Variants in STAU1 observed in about 807,000 individuals in gnomAD.
STAU1 encodes staufen double-stranded RNA binding protein 1.
A neutral mutation model predicts 62.9 loss-of-function variants in STAU1; 13 were observed. That is an observed-to-expected ratio of 0.21 (90% CI 0.13 to 0.33). STAU1 has a LOEUF of 0.33. Ranked by LOEUF, STAU1 falls within the 10% of genes least tolerant of loss-of-function variation. The pLI is 1.00. For synonymous variants in STAU1, 269 were observed against 265.1 expected, an observed-to-expected ratio of 1.01 and a Z score of -0.14; for missense variants, 571 against 712.1, an observed-to-expected ratio of 0.80 and a Z score of 2.25.
intron 3 of STAU1, 74 bp downstream of exon 3, chr20:49,165,923 T>C: frequency 6.6e-7 from 1 of 1,508,388 alleles, no homozygotes. Flanking sequence ...GCTCCCTAAA[T>C]CTGCAACCTA....
chr20:49,213,622 T>C, the STAU1 span, among the ~76,000 whole-genome samples: 3 of 152,188 alleles, frequency 2.0e-5, no homozygotes, highest in African/African-American at 7.2e-5. Context: ...TTAATTCCCA[T>C]TGGAAAATCT....
the STAU1 span, among the ~76,000 whole-genome samples, chr20:49,205,985 C>CTT: frequency 1.4e-3 from 165 of 122,044 alleles, no homozygotes; most frequent in Non-Finnish European, 1.8e-3. Flanking sequence ...ATTTTCTTTT[C>CTT]TTTTTTTTTT....
At chr20:49,182,801 T>G (rs1009110768) in intron 1 of STAU1, among the ~76,000 whole-genome samples, 1 of 142,914 alleles carries the variant, frequency 7.0e-6, no homozygotes, top group African/African-American at 2.7e-5. Context: ...ATCACACCAC[T>G]GCACTCCAGC....
At chr20:49,215,609 T>A in the STAU1 span, among the ~76,000 whole-genome samples, 2 of 152,192 alleles carry the variant, frequency 1.3e-5, no homozygotes, top group African/African-American at 4.8e-5. Context: ...ATTATGTTAA[T>A]AAACTCATCT....
At chr20:49,143,963 A>G (rs1281041358) in intron 5 of STAU1, among the ~76,000 whole-genome samples, 1 of 152,222 alleles carries the variant, frequency 6.6e-6, no homozygotes, top group African/African-American at 2.4e-5. Context: ...TCCATCTCCA[A>G]CAGGTTCTAA....
At chr20:49,140,067 T>C (rs1338526614) in intron 5 of STAU1, among the ~76,000 whole-genome samples, 2 of 151,366 alleles carry the variant, frequency 1.3e-5, no homozygotes, top group Non-Finnish European at 2.9e-5. Flanking sequence ...GCACCTGTAG[T>C]CCCAGCTACT....
chr20:49,191,073 G>A (rs930153437), upstream of STAU1, among the ~76,000 whole-genome samples: 2 of 151,308 alleles, frequency 1.3e-5, no homozygotes, highest in Non-Finnish European at 2.9e-5. Flanking sequence ...AGTCACCCAG[G>A]CTAAAGTGCA....
At chr20:49,115,702 T>G in intron 13 of STAU1, 80 bp downstream of exon 13, 1 of 1,227,078 alleles carries the variant, frequency 8.1e-7, no homozygotes, top group East Asian at 2.4e-5. Flanking sequence ...CCCCGCTGAG[T>G]CAGCAGATAG....
the STAU1 span, among the ~76,000 whole-genome samples, chr20:49,197,101 G>C: frequency 2.0e-5 from 3 of 150,922 alleles, no homozygotes; most frequent in Non-Finnish European, 4.4e-5. Flanking sequence ...GTTGCAGTGA[G>C]CCGAGATCGC....
the STAU1 span, among the ~76,000 whole-genome samples, chr20:49,209,155 G>A: frequency 6.8e-6 from 1 of 148,112 alleles, no homozygotes; most frequent in African/African-American, 2.5e-5. Context: ...GAGTGGTGTC[G>A]AACTCCTTGG....
chr20:49,166,410 T>G (rs762438025), intron 2 of STAU1, 125 bp from the exon 3 acceptor site: 2 of 563,676 alleles, frequency 3.5e-6, no homozygotes, highest in Non-Finnish European at 3.2e-6. Context: ...CATGTAGCTA[T>G]GTTGATTTAT....
At chr20:49,125,509 G>A (rs1458215219) in intron 6 of STAU1, among the ~76,000 whole-genome samples, 5 of 127,850 alleles carry the variant, frequency 3.9e-5, no homozygotes, top group African/African-American at 6.0e-5. Flanking sequence ...CAGCCTAAGC[G>A]ATAGAGTAAG....
intron 3 of STAU1, among the ~76,000 whole-genome samples, chr20:49,164,760 G>C (rs559641576): frequency 6.6e-6 from 1 of 151,894 alleles, no homozygotes; most frequent in African/African-American, 2.4e-5. Context: ...TAGAGACCCC[G>C]TGAAACAAAC....
chr20:49,141,032 T>C (rs2092995178), intron 5 of STAU1, among the ~76,000 whole-genome samples: 1 of 150,464 alleles, frequency 6.6e-6, no homozygotes, highest in African/African-American at 2.4e-5. Context: ...CCAATGAGAA[T>C]GCTCTTTATG....
rs915903174 is a variant in STAU1, at chr20:49,127,643, T to C, written c.610-3056A>G. On this transcript the variant is annotated intron_variant, in intron 6 of 13. Coordinates refer to ENST00000371856, the MANE Select transcript of STAU1 (RefSeq NM_017453.4). ...AATGCTTGAACCCCAGAGGCGGAGG[T>C]TGCAGTGAGCTGAGATCGCGCCATT... Among the ~76,000 whole-genome samples the C allele has an allele frequency of 1.4e-4, 22 of 152,008 alleles. 1 individual carries two copies. The highest frequency in any genetic ancestry group is 3.4e-4 in the African/African-American group (14 of 41,446).
intron 5 of STAU1, among the ~76,000 whole-genome samples, chr20:49,147,834 G>GATAT (rs2093161260): frequency 6.6e-6 from 1 of 152,160 alleles, no homozygotes; most frequent in African/African-American, 2.4e-5. Context: ...ACATATTCAA[G>GATAT]ATATACACAT....
At chr20:49,193,305 A>G (rs1002042774), upstream of STAU1, among the ~76,000 whole-genome samples, 4 of 151,140 alleles carry the variant, frequency 2.6e-5, no homozygotes, top group Non-Finnish European at 4.4e-5. Flanking sequence ...TGAACCCAGG[A>G]AGTGGAGGTT....
intron 8 of STAU1, among the ~76,000 whole-genome samples, chr20:49,120,844 G>A (rs533499444): frequency 6.6e-6 from 1 of 152,156 alleles, no homozygotes; most frequent in South Asian, 2.1e-4. Context: ...ACCCAGGATG[G>A]AGTGCAATGG....
chr20:49,215,190 G>GT, the STAU1 span, among the ~76,000 whole-genome samples: 10 of 152,108 alleles, frequency 6.6e-5, no homozygotes, highest in Admixed American at 3.9e-4. Context: ...CACTTGCTGG[G>GT]TTTTTTTCTT....
Sources: gnomAD v4.1 joint callset for allele counts (sites outside exome capture counted in the v4.1 genomes callset) on GRCh38, gnomAD v4.1.1 for gene constraint, MANE v1.5 for transcripts, NCBI Gene and HGNC (gene_info 2026-07-23, HGNC 2026-07-21) for gene names.